NELL2: variants seen among roughly 807,000 people sequenced by gnomAD.
The protein encoded by NELL2 is neural EGFL like 2, also known as protein kinase C-binding protein NELL2.
A neutral mutation model predicts 109.6 loss-of-function variants in NELL2; 41 were observed. The observed-to-expected ratio is 0.37, with a 90% CI of 0.29 to 0.49. The LOEUF (loss-of-function observed/expected upper bound fraction) is 0.49, where lower values mean the gene tolerates loss of function less well. Ranked by LOEUF, NELL2 falls within the 20% of genes least tolerant of loss-of-function variation. The probability of loss-of-function intolerance (pLI) is 0.98; values close to 1 mark genes in which losing one functional copy is unlikely to be tolerated. For missense variants in NELL2, 900 were observed against 1,008.3 expected (o/e 0.89, Z 1.45); for synonymous variants, 355 against 344.7 (o/e 1.03, Z -0.33).
chr12:44,713,436 C>T (rs1270481388), intron 10 of NELL2, among the ~76,000 whole-genome samples: 1 of 151,796 alleles, frequency 6.6e-6, no homozygotes, highest in Non-Finnish European at 1.5e-5. Flanking sequence ...TCTTCCAATT[C>T]TTTTATCTAT....
At chr12:44,671,213 C>T (rs1237770008) in intron 12 of NELL2, among the ~76,000 whole-genome samples, 6 of 151,978 alleles carry the variant, frequency 3.9e-5, no homozygotes, top group Admixed American at 6.6e-5. Flanking sequence ...ATAGAAATTA[C>T]GAAGACAATA....
intron 9 of NELL2, among the ~76,000 whole-genome samples, chr12:44,752,751 C>T (rs1951176391): frequency 1.3e-5 from 2 of 152,152 alleles, no homozygotes; most frequent in South Asian, 2.1e-4. Context: ...TTCCTCTCTA[C>T]CCAGCACCAT....
chr12:44,766,958 T>C (rs1025760616), intron 9 of NELL2, among the ~76,000 whole-genome samples: 1 of 152,216 alleles, frequency 6.6e-6, no homozygotes, highest in South Asian at 2.1e-4. Flanking sequence ...ATTTTAATAA[T>C]GAAGAGAAAT....
chr12:44,539,343 GAACAA>G (rs907547767), intron 15 of NELL2, among the ~76,000 whole-genome samples: 5 of 151,878 alleles, frequency 3.3e-5, no homozygotes, highest in African/African-American at 9.7e-5. Flanking sequence ...CAACAAAACA[GAACAA>G]AACAAAACAA....
At chr12:44,699,839 G>A (rs10506254) in intron 12 of NELL2, among the ~76,000 whole-genome samples, 19,324 of 151,774 alleles carry the variant, frequency 0.13, 1,457 homozygotes, top group East Asian at 0.21. Context: ...CTCCTCCTAC[G>A]TTTCAGCCAT....
intron 15 of NELL2, among the ~76,000 whole-genome samples, chr12:44,584,785 T>A (rs971085717): frequency 1.3e-5 from 2 of 152,314 alleles, no homozygotes; most frequent in Non-Finnish European, 2.9e-5. Flanking sequence ...TGAAGGCAGA[T>A]GACAGACTGG....
chr12:44,656,182 G>A (rs780604783), intron 13 of NELL2, among the ~76,000 whole-genome samples: 1 of 152,132 alleles, frequency 6.6e-6, no homozygotes, highest in Non-Finnish European at 1.5e-5. Context: ...AGGAAGATTA[G>A]TATTGTGAAA....
At chr12:44,790,378 G>A (rs1388898037) in intron 3 of NELL2, among the ~76,000 whole-genome samples, 1 of 152,088 alleles carries the variant, frequency 6.6e-6, no homozygotes, top group Non-Finnish European at 1.5e-5. Flanking sequence ...GTGAAACTAA[G>A]CATCATACAT....
intron 13 of NELL2, among the ~76,000 whole-genome samples, chr12:44,625,385 C>T (rs563172569): frequency 2.0e-5 from 3 of 151,998 alleles, no homozygotes; most frequent in Admixed American, 6.6e-5. Context: ...CTCCAGCCAC[C>T]CCTACACATC....
intron 2 of NELL2, among the ~76,000 whole-genome samples, chr12:44,870,084 G>A (rs1011613006): frequency 4.6e-5 from 7 of 152,014 alleles, no homozygotes; most frequent in African/African-American, 1.7e-4. Context: ...GTGTAAGAAG[G>A]GTCCCCTTTC....
At chr12:44,890,411 C>T (rs1945520377) in intron 1 of NELL2, among the ~76,000 whole-genome samples, 1 of 152,180 alleles carries the variant, frequency 6.6e-6, no homozygotes, top group African/African-American at 2.4e-5. Flanking sequence ...ACAGACAAGT[C>T]AAGTAATTTG....
chr12:44,853,938 C>T lies in NELL2; in HGVS notation c.184+21287G>A, dbSNP rs187717831. ...AGGAGCATTGCATCTCATTGGTAGC[C>T]TAAAGGAAACATTTTTATATGCCTT... is the stretch of plus-strand genomic sequence containing the variant. On this transcript the variant is annotated intron_variant, in intron 2 of 19. Coordinates refer to ENST00000429094, the MANE Select transcript of NELL2 (RefSeq NM_001145108.2). Among the ~76,000 whole-genome samples, 49 of 152,208 alleles carry T rather than the reference C, an allele frequency of 3.2e-4. No homozygotes were observed. In the East Asian group the frequency reaches 9.1e-3, roughly 28 times the overall value.
intron 15 of NELL2, among the ~76,000 whole-genome samples, chr12:44,553,402 C>T (rs2136169593): frequency 1.3e-5 from 2 of 152,176 alleles, no homozygotes; most frequent in South Asian, 4.1e-4. Flanking sequence ...TTTTAGACTG[C>T]TATTTGGCTT....
intron 12 of NELL2, among the ~76,000 whole-genome samples, chr12:44,672,704 T>G (rs1462601778): frequency 6.6e-6 from 1 of 152,238 alleles, no homozygotes; most frequent in Non-Finnish European, 1.5e-5. Context: ...ATTAGAATTA[T>G]TTCTGTTAAT....
intron 9 of NELL2, among the ~76,000 whole-genome samples, chr12:44,764,094 T>C (rs774596903): frequency 1.6e-4 from 24 of 152,264 alleles, no homozygotes; most frequent in Non-Finnish European, 2.8e-4. Flanking sequence ...CTAATACAAA[T>C]GTAAAGAAAA....
intron 15 of NELL2, among the ~76,000 whole-genome samples, chr12:44,572,168 G>T (rs548571047): frequency 1.3e-5 from 2 of 151,704 alleles, no homozygotes; most frequent in Non-Finnish European, 2.9e-5. Context: ...TTTAGACAAG[G>T]CCTCACTCTG....
intron 1 of NELL2, among the ~76,000 whole-genome samples, chr12:44,892,160 T>C (rs1945541666): frequency 6.6e-6 from 1 of 152,166 alleles, no homozygotes; most frequent in South Asian, 2.1e-4. Flanking sequence ...GATATGAGCA[T>C]TTGAAAATGA....
At chr12:44,802,815 T>A (rs1030565565) in intron 3 of NELL2, among the ~76,000 whole-genome samples, 3 of 152,086 alleles carry the variant, frequency 2.0e-5, no homozygotes, top group Non-Finnish European at 4.4e-5. Flanking sequence ...TTCAATTTTA[T>A]CATTTTATCC....
intron 3 of NELL2, among the ~76,000 whole-genome samples, chr12:44,812,313 T>C (rs1165953052): frequency 6.6e-6 from 1 of 152,152 alleles, no homozygotes; most frequent in Non-Finnish European, 1.5e-5. Flanking sequence ...ATGTATGTTA[T>C]CAACATCACT....
Sources: allele counts gnomAD v4.1 joint callset (sites outside exome capture counted in the v4.1 genomes callset), GRCh38; gene constraint gnomAD v4.1.1; transcripts MANE v1.5; gene names NCBI Gene and HGNC (gene_info 2026-07-23, HGNC 2026-07-21).